PTPRK: variants seen among roughly 807,000 people sequenced by gnomAD.
The protein encoded by PTPRK is protein tyrosine phosphatase receptor type K.
In PTPRK, 75 loss-of-function variants were observed where a neutral mutation model predicts 178.0. The ratio of observed to expected loss-of-function variants is 0.42; its 90% CI spans 0.35 to 0.51. PTPRK has a LOEUF of 0.51. Among genes scored for constraint, PTPRK ranks in the 20% least tolerant of loss-of-function variants. The pLI is 0.02. For missense variants in PTPRK, 1,441 were observed against 1,797.8 expected (o/e 0.80, Z 3.59); for synonymous variants, 637 against 620.6 (o/e 1.03, Z -0.39).
At position 128,465,640 on chromosome 6, in the gene PTPRK, G is replaced by A. The variant is rs1486630310; in HGVS notation, c.100+54619C>T. Among the ~76,000 whole-genome samples, 5 of 152,066 alleles carry A rather than the reference G, an allele frequency of 3.3e-5. No individual in the cohort carries two copies. In the East Asian group the frequency reaches 5.8e-4, roughly 18 times the overall value. On this transcript the variant is annotated intron_variant, in intron 1 of 29. Transcript: ENST00000368226. The stretch of plus-strand genomic sequence containing the variant: ...ATGCAGGCCTTTTATTCAAACACCA[G>A]GAAAATGAATTCCTTTATCTTTCTT...
intron 3 of PTPRK, among the ~76,000 whole-genome samples, chr6:128,284,445 G>A (rs1017063609): frequency 6.6e-6 from 1 of 152,164 alleles, no homozygotes; most frequent in East Asian, 1.9e-4. Context: ...ACCCATGTGT[G>A]TTTGTTCTGA....
At chr6:128,222,116 T>C (rs1479376957) in intron 5 of PTPRK, among the ~76,000 whole-genome samples, 1 of 152,216 alleles carries the variant, frequency 6.6e-6, no homozygotes, top group Non-Finnish European at 1.5e-5. Flanking sequence ...CTGCCTGTAC[T>C]GACTTCCAAA....
intron 7 of PTPRK, among the ~76,000 whole-genome samples, chr6:128,172,858 T>C (rs917267966): frequency 1.3e-5 from 2 of 151,866 alleles, no homozygotes; most frequent in African/African-American, 4.8e-5. Flanking sequence ...ACTATAGGTA[T>C]ATCAATATAT....
At chr6:128,276,929 C>T (rs1259389271) in intron 3 of PTPRK, among the ~76,000 whole-genome samples, 1 of 151,918 alleles carries the variant, frequency 6.6e-6, no homozygotes, top group Non-Finnish European at 1.5e-5. Context: ...TATACTCTTC[C>T]AAAAATTGAG....
intron 1 of PTPRK, among the ~76,000 whole-genome samples, chr6:128,443,793 G>C (rs939046864): frequency 5.3e-5 from 8 of 152,150 alleles, no homozygotes; most frequent in African/African-American, 1.9e-4. Flanking sequence ...TAAGCAAATA[G>C]AGATATGGAA....
intron 21 of PTPRK, among the ~76,000 whole-genome samples, chr6:127,986,123 G>C (rs1775948344): frequency 6.6e-6 from 1 of 151,996 alleles, no homozygotes; most frequent in Non-Finnish European, 1.5e-5. Context: ...TAAAAGTCTG[G>C]GTAAATTTTA....
chr6:128,218,065 C>T (rs1025394494), intron 6 of PTPRK, among the ~76,000 whole-genome samples: 1 of 152,088 alleles, frequency 6.6e-6, no homozygotes, highest in African/African-American at 2.4e-5. Context: ...AACCTTAAGA[C>T]TGGTTCCAGA....
At chr6:128,404,574 A>G (rs758561251) in intron 1 of PTPRK, among the ~76,000 whole-genome samples, 9 of 152,230 alleles carry the variant, frequency 5.9e-5, no homozygotes, top group Admixed American at 1.3e-4. Flanking sequence ...AGTGTGATCA[A>G]TCCAAATCTT....
chr6:128,304,691 CA>C (rs1443918287), intron 3 of PTPRK, among the ~76,000 whole-genome samples: 1 of 152,084 alleles, frequency 6.6e-6, no homozygotes, highest in African/African-American at 2.4e-5. Flanking sequence ...TGCAACTTTG[CA>C]CAAAGAAAAG....
intron 13 of PTPRK, among the ~76,000 whole-genome samples, chr6:128,056,792 A>C (rs1199646324): frequency 1.3e-5 from 2 of 152,184 alleles, no homozygotes; most frequent in Non-Finnish European, 2.9e-5. Context: ...TGAACTGCAT[A>C]CATATTGGGT....
chr6:128,183,511 A>G (rs577583393), intron 7 of PTPRK, among the ~76,000 whole-genome samples: 1 of 152,256 alleles, frequency 6.6e-6, no homozygotes, highest in African/African-American at 2.4e-5. Flanking sequence ...GGAGTTTTTG[A>G]TATATAAATA....
intron 5 of PTPRK, among the ~76,000 whole-genome samples, chr6:128,239,331 G>T (rs1813950587): frequency 2.0e-5 from 3 of 152,100 alleles, no homozygotes; most frequent in African/African-American, 7.2e-5. Context: ...TGGCTTTAGA[G>T]CTGCTCTCAG....
chr6:127,992,744 A>G (rs1445948937), intron 18 of PTPRK, 35 bp from the exon 19 acceptor site: 12 of 1,494,720 alleles, frequency 8.0e-6, no homozygotes, highest in Admixed American at 2.0e-5. Flanking sequence ...ATCATTTTAC[A>G]TCAATATCAG....
At chr6:128,112,395 A>G (rs990449203) in intron 7 of PTPRK, among the ~76,000 whole-genome samples, 1 of 152,100 alleles carries the variant, frequency 6.6e-6, no homozygotes, top group Non-Finnish European at 1.5e-5. Context: ...TTAAAAAGAA[A>G]AATAAGGTAT....
intron 13 of PTPRK, among the ~76,000 whole-genome samples, chr6:128,028,949 T>C (rs1231151037): frequency 6.6e-6 from 1 of 152,188 alleles, no homozygotes; most frequent in Non-Finnish European, 1.5e-5. Context: ...AGATTCATGG[T>C]AAGGTTAGAA....
At chr6:128,000,988 C>G (rs1012655062) in intron 15 of PTPRK, among the ~76,000 whole-genome samples, 4 of 151,866 alleles carry the variant, frequency 2.6e-5, no homozygotes, top group Non-Finnish European at 5.9e-5. Context: ...AGCTTTAATA[C>G]AGTAGTACAA....
intron 1 of PTPRK, among the ~76,000 whole-genome samples, chr6:128,518,170 A>G (rs758223099): frequency 6.6e-6 from 1 of 152,212 alleles, no homozygotes; most frequent in Non-Finnish European, 1.5e-5. Flanking sequence ...TTGAGATGCA[A>G]TCCTGTGATT....
intron 3 of PTPRK, among the ~76,000 whole-genome samples, chr6:128,256,877 T>C (rs1180981779): frequency 6.6e-6 from 1 of 152,162 alleles, no homozygotes; most frequent in Non-Finnish European, 1.5e-5. Context: ...AGAGGAAATA[T>C]AATGAGCTAT....
intron 7 of PTPRK, among the ~76,000 whole-genome samples, chr6:128,140,253 A>T (rs1355949507): frequency 2.0e-5 from 3 of 152,074 alleles, no homozygotes; most frequent in African/African-American, 4.8e-5. Context: ...CAGATCAACA[A>T]ATTAAGGAGA....
Sources: allele counts gnomAD v4.1 joint callset (sites outside exome capture counted in the v4.1 genomes callset), GRCh38; gene constraint gnomAD v4.1.1; transcripts MANE v1.5; gene names NCBI Gene and HGNC (gene_info 2026-07-23, HGNC 2026-07-21).